AMDHD2: variants seen among roughly 807,000 people sequenced by gnomAD.
The protein encoded by AMDHD2 is N-acetylglucosamine-6-phosphate deacetylase.
In AMDHD2, 24 loss-of-function variants were observed where a neutral mutation model predicts 41.8. The ratio of observed to expected loss-of-function variants is 0.57; its 90% CI spans 0.42 to 0.81. The LOEUF is 0.81. Among genes scored for constraint, AMDHD2 ranks in the 30% least tolerant of loss-of-function variants. The probability of loss-of-function intolerance (pLI) is 0.00; values close to 1 mark genes in which losing one functional copy is unlikely to be tolerated. For synonymous variants in AMDHD2, 332 were observed against 255.5 expected (o/e 1.30, Z -2.85); for missense variants, 540 against 588.5 (o/e 0.92, Z 0.85).
Position 2,527,097 on chromosome 16 carries a change from C to G in AMDHD2, c.361-464C>G, listed in dbSNP as rs1008447142. On this transcript the variant is annotated intron_variant, in intron 3 of 10. Transcript: ENST00000293971. The surrounding 1 kb of genome is among the most constrained non-coding windows in gnomAD (Gnocchi z 6.1). ...CTGGACTGCCTGCCCACCTGTTAGC[C>G]TCTGAGATGTGTGGTGTGAGCCCGT... The G allele has an allele frequency of 5.1e-6, 1 of 196,648 alleles. No individual in the cohort carries two copies. Among genetic ancestry groups the G allele is most frequent in the African/African-American group, 2.4e-5 (1 of 41,934 alleles). 12.2% of individuals were successfully genotyped at this position (196,648 alleles called of 1,614,324 possible).
chr16:2,531,015 T>A lies in AMDHD2; in HGVS notation c.*1452T>A. 2 of 1,607,390 alleles carry A rather than the reference T, an allele frequency of 1.2e-6. No individual in the cohort carries two copies. Among genetic ancestry groups the A allele is most frequent in the Non-Finnish European group, 1.7e-6 (2 of 1,175,070 alleles). Reference sequence around the variant, plus strand: ...GCAGGTGAGGTTCTCAGCCGATGTGTTAGAGGTTGAGCATCGCCTGTGCCC... The same window carrying A: ...GCAGGTGAGGTTCTCAGCCGATGTGATAGAGGTTGAGCATCGCCTGTGCCC... On this transcript the variant is annotated 3_prime_UTR_variant, in exon 11 of 11. Transcript: ENST00000293971.
chr16:2,530,773 GCAGGGCACAAGGGGTTGATCT>G lies in AMDHD2; in HGVS notation c.*1214_*1234del. On this transcript the variant is annotated 3_prime_UTR_variant, in exon 11 of 11. Coordinates refer to ENST00000293971, the MANE Select transcript of AMDHD2 (RefSeq NM_001330449.2). ...GGCCTCGCCTGAGGGAGGGCCTGGGGCAGGGCACAAGGGGTTGATCTCAGCCCACAAGCCCCAGGGGCAGCC... is the reference window on the plus strand; with the variant it reads ...GGCCTCGCCTGAGGGAGGGCCTGGGGCAGCCCACAAGCCCCAGGGGCAGCC... 6.2e-7 allele frequency: 1 copy of G among 1,613,654 alleles called. No individual in the cohort carries two copies. The highest frequency in any genetic ancestry group is 8.5e-7 in the Non-Finnish European group (1 of 1,179,952).
rs769417216 is a variant in AMDHD2, at chr16:2,528,395, G to A, written c.862+15G>A. On this transcript the variant is annotated intron_variant, in intron 7 of 10. Coordinates refer to ENST00000293971, the MANE Select transcript of AMDHD2 (RefSeq NM_001330449.2). ...CCATCCCCAGGGTAAGCTGCGGCAG[G>A]TGGCCAGGACAGGTAGGATGACTGG... The A allele has an allele frequency of 3.3e-5, 53 of 1,612,760 alleles. No homozygotes were observed. Among genetic ancestry groups the A allele is most frequent in the Non-Finnish European group, 4.2e-5 (50 of 1,179,950 alleles).
rs538213374 is a variant in AMDHD2 at position 2,526,337 on chromosome 16, C to G, written c.361-1224C>G. ...GCTCAGAGGGGCTGGGCCTGGCTGGCACCCTGCTGAGCACCTTGAGAACAC... is the reference window on the plus strand; with the variant it reads ...GCTCAGAGGGGCTGGGCCTGGCTGGGACCCTGCTGAGCACCTTGAGAACAC... On this transcript the variant is annotated intron_variant, in intron 3 of 10. Transcript: ENST00000293971. Among the ~76,000 whole-genome samples, 3 of 152,234 alleles carry G rather than the reference C, an allele frequency of 2.0e-5. No homozygotes were observed. In the East Asian group the frequency reaches 5.8e-4, roughly 29 times the overall value.
At position 2,520,501 on chromosome 16, in the gene AMDHD2, T is replaced by G. The variant is rs773216583; in HGVS notation, c.43T>G (p.Phe15Val). 1 of 1,231,780 alleles carries G rather than the reference T, an allele frequency of 8.1e-7. No homozygotes were observed. The highest frequency in any genetic ancestry group is 1.0e-6 in the Non-Finnish European group (1 of 981,962). 76.3% of individuals were successfully genotyped at this position (1,231,780 alleles called of 1,614,324 possible). A position where few individuals can be genotyped will look rare whatever the true frequency, so the allele number is the denominator to read the frequency against. The change falls in exon 1 of 11, where the codon TTC becomes GTC. Residue 15 changes from phenylalanine (F) to valine (V), a missense_variant. By Grantham distance (50) the Phe-to-Val change is conservative. Transcript: ENST00000293971. ...CGCGGCGGGGGCCCGCGTGCTCCAG[T>G]TCACTAACTGCCGGATCCTGCGCGG... ...QGAAGARVLQ[F>V]TNCRILRGGK...
intron 3 of AMDHD2, among the ~76,000 whole-genome samples, chr16:2,525,846 T>C (rs1232223189): frequency 1.3e-5 from 2 of 152,026 alleles, no homozygotes; most frequent in Non-Finnish European, 2.9e-5. Context: ...GCCTGGCCAA[T>C]TTTTGTATTT....
chr16:2,520,932 C>T, intron 2 of AMDHD2, 27 bp downstream of exon 2: 1 of 1,596,352 alleles, frequency 6.3e-7, no homozygotes, highest in Non-Finnish European at 8.6e-7. Context: ...GCAGGGGAAC[C>T]CAGGGGAGGA....
intron 3 of AMDHD2, among the ~76,000 whole-genome samples, chr16:2,523,767 C>CCGG (rs1445530005): frequency 5.9e-5 from 9 of 152,326 alleles, no homozygotes; most frequent in African/African-American, 2.2e-4. Flanking sequence ...CCCACCCCTA[C>CCGG]CGGCAGCATT....
In AMDHD2 at chr16:2,529,693, C is replaced by T; in HGVS notation, c.*130C>T. 1 of 1,499,002 alleles carries T rather than the reference C, an allele frequency of 6.7e-7. No homozygotes were observed. The highest frequency in any genetic ancestry group is 1.4e-5 in the African/African-American group (1 of 72,378). The allele number at this position is 1,499,002 out of a possible 1,614,324, so 92.9% of individuals were successfully genotyped here. A position where few individuals can be genotyped will look rare whatever the true frequency, so the allele number is the denominator to read the frequency against. ...GATGCCCAGGGCCTGTGCGGCCGCC[C>T]TGGAGGCGGTGGCTGGGATAAACGT... is the stretch of plus-strand genomic sequence containing the variant. On this transcript the variant is annotated 3_prime_UTR_variant, in exon 11 of 11. Coordinates refer to ENST00000293971, the MANE Select transcript of AMDHD2 (RefSeq NM_001330449.2).
intron 1 of AMDHD2, 90 bp downstream of exon 1, chr16:2,520,631 CGGGGACA>C: frequency 1.3e-6 from 1 of 763,780 alleles, no homozygotes; most frequent in Non-Finnish European, 1.6e-6. Context: ...GGTGCGGGGC[CGGGGACA>C]GGGCGGGGTG....
Position 2,529,759 on chromosome 16 carries a change from G to A in AMDHD2, c.*196G>A. The A allele has an allele frequency of 4.2e-6, 6 of 1,439,382 alleles. No homozygotes were observed. The highest frequency in any genetic ancestry group is 2.6e-4 in the Middle Eastern group (1 of 3,914). The allele number at this position is 1,439,382 out of a possible 1,614,324, so 89.2% of individuals were successfully genotyped here. ...CGCCTTGGCTCCGGGTTTTGCTTGT[G>A]CTCACATGTGGCACCATCCTTGGTT... On this transcript the variant is annotated 3_prime_UTR_variant, in exon 11 of 11. Coordinates refer to ENST00000293971, the MANE Select transcript of AMDHD2 (RefSeq NM_001330449.2).
chr16:2,527,442 C>G lies in AMDHD2; in HGVS notation c.361-119C>G. ...CTGACCCCTGTGAGGGGACAGGCGG[C>G]CGGGGCTGGGCTGGGTGCTGGGCTC... is the stretch of plus-strand genomic sequence containing the variant. On this transcript the variant is annotated intron_variant, in intron 3 of 10. Coordinates refer to ENST00000293971, the MANE Select transcript of AMDHD2 (RefSeq NM_001330449.2). The surrounding 1 kb of genome is among the most constrained non-coding windows in gnomAD (Gnocchi z 6.1). 1 of 1,097,310 alleles carries G rather than the reference C, an allele frequency of 9.1e-7. No homozygotes were observed. The highest frequency in any genetic ancestry group is 1.4e-5 in the South Asian group (1 of 72,336). 68.0% of individuals were successfully genotyped at this position (1,097,310 alleles called of 1,614,324 possible). A position where few individuals can be genotyped will look rare whatever the true frequency, so the allele number is the denominator to read the frequency against.
At chr16:2,526,364 C>T (rs1445352177) in intron 3 of AMDHD2, among the ~76,000 whole-genome samples, 2 of 152,194 alleles carry the variant, frequency 1.3e-5, no homozygotes, top group Non-Finnish European at 2.9e-5. Context: ...TGAGAACACA[C>T]ATTTCGCAAG....
chr16:2,521,091 C>G lies in AMDHD2; in HGVS notation c.328C>G (p.Leu110Val). The G allele has an allele frequency of 6.2e-7, 1 of 1,601,644 alleles. No individual in the cohort carries two copies. The highest frequency in any genetic ancestry group is 8.5e-7 in the Non-Finnish European group (1 of 1,171,486). ...SHGVTSFCPTLVTSPPEVYHK... is the reference protein window; with the variant it reads ...SHGVTSFCPTVVTSPPEVYHK... ...CGGCGTCACCTCCTTCTGCCCCACC[C>G]TGGTCACTTCCCCACCGGAGGTTTA... is the stretch of plus-strand genomic sequence containing the variant. Residue 110 changes from leucine to valine, a missense_variant, in exon 3 of 11, where the codon CTG (leucine) becomes GTG (valine). Transcript: ENST00000293971.
rs1176292775 is a variant in AMDHD2, at chr16:2,527,779, A to G, written c.422A>G (p.His141Arg). Residue 141 changes from histidine to arginine, a missense_variant, in exon 5 of 11, where the codon CAC becomes CGC. His to Arg is a conservative substitution (Grantham distance 29). Coordinates refer to ENST00000293971, the MANE Select transcript of AMDHD2 (RefSeq NM_001330449.2). The surrounding 1 kb of genome is among the most constrained non-coding windows in gnomAD (Gnocchi z 6.1). ...GPHGAGVLGL[H>R]LEGPFISREK... The stretch of plus-strand genomic sequence containing the variant: ...ACTTGCTCCCTCCTCCCAGGGCTGC[A>G]CCTGGAGGGCCCCTTCATCAGCCGG... The G allele has an allele frequency of 6.3e-7, 1 of 1,576,090 alleles. No individual in the cohort carries two copies. Among genetic ancestry groups the G allele is most frequent in the Non-Finnish European group, 8.6e-7 (1 of 1,164,816 alleles).
rs541956075 is a variant in AMDHD2, at chr16:2,524,171, C to T, written c.360+3048C>T. On this transcript the variant is annotated intron_variant, in intron 3 of 10. Coordinates refer to ENST00000293971, the MANE Select transcript of AMDHD2 (RefSeq NM_001330449.2). Reference sequence around the variant, plus strand: ...ACTCGGGTCTCCCCTGTGCCGTGCACGCCACCTCTTCCAGGGCCCACTCAC... The same window carrying T: ...ACTCGGGTCTCCCCTGTGCCGTGCATGCCACCTCTTCCAGGGCCCACTCAC... 8.8e-4 allele frequency among the ~76,000 whole-genome samples: 134 copies of T among 152,324 alleles called. 2 individuals are homozygous for T. The South Asian group carries it at 0.012, about 13-fold the overall frequency.
chr16:2,526,895 A>G (rs933459731), intron 3 of AMDHD2, among the ~76,000 whole-genome samples: 1 of 152,032 alleles, frequency 6.6e-6, no homozygotes, highest in African/African-American at 2.4e-5. Context: ...TTGCCATTGC[A>G]CTCCAGCCTG....
chr16:2,525,366 CTTTT>C (rs34643272), intron 3 of AMDHD2, among the ~76,000 whole-genome samples: 1 of 127,342 alleles, frequency 7.9e-6, no homozygotes, highest in Non-Finnish European at 1.7e-5. Context: ...CCAAATGTTG[CTTTT>C]TTTTTTTTTT....
Position 2,530,414 on chromosome 16 carries a change from C to T in AMDHD2, c.*851C>T, listed in dbSNP as rs764939832. On this transcript the variant is annotated 3_prime_UTR_variant, in exon 11 of 11. Coordinates refer to ENST00000293971, the MANE Select transcript of AMDHD2 (RefSeq NM_001330449.2). ...TGTGGCAAACACGGGCCGTGAGGCT[C>T]CCTGAACAGCTTCGAGGCGGGTGGG... The T allele has an allele frequency of 5.6e-6, 9 of 1,614,186 alleles. No individual in the cohort carries two copies. In the South Asian group the frequency reaches 8.8e-5, roughly 16 times the overall value.
Sources: gnomAD v4.1 joint callset for allele counts (sites outside exome capture counted in the v4.1 genomes callset) on GRCh38, gnomAD v4.1.1 for gene constraint, Gnocchi (gnomAD v3.1) non-coding constraint, MANE v1.5 for transcripts, NCBI Gene and HGNC (gene_info 2026-07-23, HGNC 2026-07-21) for gene names.